The following ACACA variants were observed in gnomAD, a reference collection of about 807,000 sequenced individuals.
ACACA encodes the protein acetyl-CoA carboxylase alpha.
ACACA carries 103 observed loss-of-function variants against 296.1 expected under a neutral mutation model. That is an observed-to-expected ratio of 0.35 (90% CI 0.30 to 0.41). The LOEUF (loss-of-function observed/expected upper bound fraction) is 0.41, where lower values mean the gene tolerates loss of function less well. Among genes scored for constraint, ACACA ranks in the 10% least tolerant of loss-of-function variants. The pLI, the probability that ACACA is intolerant of heterozygous loss-of-function variation, is 1.00. For synonymous variants in ACACA, 953 were observed against 1,038.6 expected, an observed-to-expected ratio of 0.92 and a Z score of 1.58; for missense variants, 1,554 against 2,989.7, an observed-to-expected ratio of 0.52 and a Z score of 11.20.
chr17:37,357,506 AAAC>A (rs948390318), intron 1 of ACACA, among the ~76,000 whole-genome samples: 17 of 152,130 alleles, frequency 1.1e-4, no homozygotes, highest in Non-Finnish European at 1.2e-4. Context: ...CAAACAAACA[AAAC>A]AACAACAACA....
At chr17:37,167,475 C>T (rs1200823026) in intron 41 of ACACA, among the ~76,000 whole-genome samples, 7 of 150,682 alleles carry the variant, frequency 4.6e-5, no homozygotes, top group South Asian at 4.2e-4. Context: ...CGTAACACCA[C>T]GCCCGGCTAA....
chr17:37,398,911 G>C (rs1280354302), intron 1 of ACACA, among the ~76,000 whole-genome samples: 1 of 148,954 alleles, frequency 6.7e-6, no homozygotes, highest in Non-Finnish European at 1.5e-5. Flanking sequence ...AAACGCTTAT[G>C]AATTAGACAT....
intron 3 of ACACA, among the ~76,000 whole-genome samples, chr17:37,297,008 TG>T (rs2083371670): frequency 6.6e-6 from 1 of 151,926 alleles, no homozygotes; most frequent in Admixed American, 6.6e-5. Flanking sequence ...TGAGCCACCG[TG>T]CCCAGCCTCA....
chr17:37,183,024 A>C (rs927222051), intron 39 of ACACA, among the ~76,000 whole-genome samples: 2 of 152,206 alleles, frequency 1.3e-5, no homozygotes, highest in African/African-American at 4.8e-5. Flanking sequence ...AGTAAAAGCA[A>C]TAATGTTTTA....
chr17:37,252,771 G>T lies in ACACA; in HGVS notation c.1977+115C>A. The T allele has an allele frequency of 2.8e-6, 4 of 1,407,906 alleles. No individual in the cohort carries two copies. The East Asian group carries it at 6.8e-5, about 24-fold the overall frequency. 87.2% of individuals were successfully genotyped at this position (1,407,906 alleles called of 1,614,324 possible). ...TTACACTGACTCCTAGATTTTTCCA[G>T]GTAGATCAAGAACCATTTACATTAG... On this transcript the variant is annotated intron_variant, in intron 15 of 55. Transcript: ENST00000616317.
chr17:37,181,213 C>T lies in ACACA; in HGVS notation c.4920G>A (p.Glu1640=). The change falls in exon 40 of 56, where the codon GAG becomes GAA. Residue 1640 remains glutamate (E), a synonymous_variant. Coordinates refer to ENST00000616317, the MANE Select transcript of ACACA (RefSeq NM_198834.3). ...TTAGGCATCTTACCTGCCGAAACATCTCTGGGATATCATATATGTATGTTG... is the reference window on the plus strand; with the variant it reads ...TTAGGCATCTTACCTGCCGAAACATTTCTGGGATATCATATATGTATGTTG... The part of the protein sequence containing the change: ...LGTTYIYDIP[E]MFRQSLIKLW... 6.2e-7 allele frequency: 1 copy of T among 1,614,168 alleles called. No homozygotes were observed.
chr17:37,126,837 C>CCGAT (rs1249828514), intron 47 of ACACA, among the ~76,000 whole-genome samples: 1 of 152,212 alleles, frequency 6.6e-6, no homozygotes, highest in African/African-American at 2.4e-5. Flanking sequence ...GAGCCCAAAG[C>CCGAT]CGATCGTTTA....
At chr17:37,394,005 G>A (rs2050988519) in intron 1 of ACACA, among the ~76,000 whole-genome samples, 1 of 152,040 alleles carries the variant, frequency 6.6e-6, no homozygotes, top group South Asian at 2.1e-4. Flanking sequence ...TTCCAGTGAA[G>A]ATCTGTAAAA....
At chr17:37,174,015 TATA>T (rs1278261286) in intron 41 of ACACA, among the ~76,000 whole-genome samples, 88 of 21,036 alleles carry the variant, frequency 4.2e-3, no homozygotes, top group East Asian at 0.032. Flanking sequence ...TATATATATA[TATA>T]TATTTTTTTT....
intron 3 of ACACA, among the ~76,000 whole-genome samples, chr17:37,312,116 A>C (rs1328226633): frequency 1.3e-5 from 2 of 152,140 alleles, no homozygotes; most frequent in African/African-American, 2.4e-5. Flanking sequence ...GATGACCTCC[A>C]AGGGTAAATG....
At chr17:37,135,801 G>A (rs2075305695) in intron 45 of ACACA, among the ~76,000 whole-genome samples, 1 of 152,152 alleles carries the variant, frequency 6.6e-6, no homozygotes, top group African/African-American at 2.4e-5. Context: ...AGAAGCACAG[G>A]CTTCTGGAAA....
intron 1 of ACACA, among the ~76,000 whole-genome samples, chr17:37,397,292 T>G (rs2051114047): frequency 6.6e-6 from 1 of 152,166 alleles, no homozygotes; most frequent in Non-Finnish European, 1.5e-5. Context: ...ATTACTTATC[T>G]TCTTATATGT....
intron 45 of ACACA, among the ~76,000 whole-genome samples, chr17:37,144,755 C>A (rs2075740638): frequency 6.6e-6 from 1 of 152,096 alleles, no homozygotes; most frequent in South Asian, 2.1e-4. Context: ...TTCTTTTTTC[C>A]TGGCAGATTC....
At chr17:37,289,689 C>T (rs554299720) in intron 3 of ACACA, among the ~76,000 whole-genome samples, 4 of 152,330 alleles carry the variant, frequency 2.6e-5, no homozygotes, top group African/African-American at 9.6e-5. Flanking sequence ...TTCTCAACAA[C>T]AGGAATCCAC....
chr17:37,148,755 G>T (rs2075917994), intron 45 of ACACA, among the ~76,000 whole-genome samples: 1 of 151,660 alleles, frequency 6.6e-6, no homozygotes, highest in African/African-American at 2.4e-5. Context: ...TTTTTTAAGA[G>T]ATGGGGTCTT....
At chr17:37,307,732 G>A (rs554987960) in intron 3 of ACACA, among the ~76,000 whole-genome samples, 424 of 152,082 alleles carry the variant, frequency 2.8e-3, no homozygotes, top group Non-Finnish European at 4.6e-3. Context: ...TACTAAAGGC[G>A]TGTGGCACCA....
intron 22 of ACACA, among the ~76,000 whole-genome samples, chr17:37,242,478 A>G (rs986449928): frequency 3.3e-5 from 5 of 152,340 alleles, no homozygotes; most frequent in Admixed American, 3.3e-4. Context: ...CTGTAACCTC[A>G]GCACTTTGGG....
rs140387685 is a variant in ACACA, at chr17:37,151,218, A to G, written c.5568+83T>C. The G allele has an allele frequency of 7.6e-4, 1,131 of 1,492,174 alleles. 5 individuals are homozygous for G. The African/African-American group carries it at 0.012, about 16-fold the overall frequency. 92.4% of individuals were successfully genotyped at this position (1,492,174 alleles called of 1,614,324 possible). A position where few individuals can be genotyped will look rare whatever the true frequency, so the allele number is the denominator to read the frequency against. On this transcript the variant is annotated intron_variant, in intron 44 of 55. Coordinates refer to ENST00000616317, the MANE Select transcript of ACACA (RefSeq NM_198834.3). Reference sequence around the variant, plus strand: ...TCTTCAAGAAATGCTCTCATTTGGGACTGAATAGCAGTGATAAGAGAAAAA... The same window carrying G: ...TCTTCAAGAAATGCTCTCATTTGGGGCTGAATAGCAGTGATAAGAGAAAAA...
At chr17:37,298,374 A>G (rs1202361225) in intron 3 of ACACA, among the ~76,000 whole-genome samples, 2 of 152,214 alleles carry the variant, frequency 1.3e-5, no homozygotes, top group African/African-American at 4.8e-5. Context: ...CTACATTATA[A>G]AAACAAGCAA....
Sources: allele counts gnomAD v4.1 joint callset (sites outside exome capture counted in the v4.1 genomes callset), GRCh38; gene constraint gnomAD v4.1.1; transcripts MANE v1.5; gene names NCBI Gene and HGNC (gene_info 2026-07-23, HGNC 2026-07-21).